The following ZSWIM6 variants were observed in gnomAD, a reference collection of about 807,000 sequenced individuals.
ZSWIM6 encodes the protein zinc finger SWIM-type containing 6, also known as zinc finger SWIM domain-containing protein 6.
Under a neutral mutation model 113.2 loss-of-function variants are expected in ZSWIM6, and 9 were observed. The ratio of observed to expected loss-of-function variants is 0.08; its 90% CI spans 0.05 to 0.14. ZSWIM6 has a LOEUF of 0.14. Ranked by LOEUF, ZSWIM6 falls within the 10% of genes least tolerant of loss-of-function variation. ZSWIM6 has a pLI of 1.00. For missense variants in ZSWIM6, 1,162 were observed against 1,552.2 expected, an observed-to-expected ratio of 0.75 and a Z score of 4.22; for synonymous variants, 611 against 606.5, an observed-to-expected ratio of 1.01 and a Z score of -0.11.
At chr5:61,345,527 C>A (rs893740195) in intron 1 of ZSWIM6, among the ~76,000 whole-genome samples, 1 of 152,126 alleles carries the variant, frequency 6.6e-6, no homozygotes, top group Non-Finnish European at 1.5e-5. Context: ...TTGGAAGGGA[C>A]TTTAGTAAGA....
In ZSWIM6 at chr5:61,416,048, G is replaced by C. The variant is rs111658306; in HGVS notation, c.677-56633G>C. On this transcript the variant is annotated intron_variant, in intron 1 of 13. Transcript: ENST00000252744. ...ATCTAACCTTCTTACATTTGTGTTG[G>C]GTGAGGAGTATGCAGAGTCTAGGAA... 1.8e-4 allele frequency among the ~76,000 whole-genome samples: 28 copies of C among 152,254 alleles called. 2 individuals carry two copies. The highest frequency in any genetic ancestry group is 6.7e-4 in the African/African-American group (28 of 41,544).
At position 61,332,906 on chromosome 5, in the gene ZSWIM6, G is replaced by A. The variant is rs1744294859; in HGVS notation, c.634G>A (p.Ala212Thr). 7.4e-7 allele frequency: 1 copy of A among 1,358,442 alleles called. No individual in the cohort carries two copies. The highest frequency in any genetic ancestry group is 9.6e-7 in the Non-Finnish European group (1 of 1,042,882). The allele number at this position is 1,358,442 out of a possible 1,614,324, so 84.1% of individuals were successfully genotyped here. A position where few individuals can be genotyped will look rare whatever the true frequency, so the allele number is the denominator to read the frequency against. Reference protein sequence around the residue: ...ETRLPFRRGIALLESGCVDNV... With the variant: ...ETRLPFRRGITLLESGCVDNV... ...GCGGCTGCCTTTCCGCCGGGGCATCGCGCTGTTGGAAAGCGGCTGCGTAGA... is the reference window on the plus strand; with the variant it reads ...GCGGCTGCCTTTCCGCCGGGGCATCACGCTGTTGGAAAGCGGCTGCGTAGA... Residue 212 changes from alanine (A) to threonine (T), a missense_variant, in exon 1 of 14, where the codon GCG (alanine) becomes ACG (threonine). Ala to Thr is a moderately conservative substitution (Grantham distance 58). Coordinates refer to ENST00000252744, the MANE Select transcript of ZSWIM6 (RefSeq NM_020928.2).
In ZSWIM6 at chr5:61,332,877, A is replaced by G. The variant is rs1402248371; in HGVS notation, c.605A>G (p.Glu202Gly). The G allele has an allele frequency of 2.9e-5, 37 of 1,286,768 alleles. No individual in the cohort carries two copies. Among genetic ancestry groups the G allele is most frequent in the Non-Finnish European group, 3.7e-5 (37 of 999,708 alleles). The allele number at this position is 1,286,768 out of a possible 1,614,324, so 79.7% of individuals were successfully genotyped here. A position where few individuals can be genotyped will look rare whatever the true frequency, so the allele number is the denominator to read the frequency against. Reference protein sequence around the residue: ...GAAGAADGGDETRLPFRRGIA... With the variant: ...GAAGAADGGDGTRLPFRRGIA... The stretch of plus-strand genomic sequence containing the variant: ...GCCGGGGCGGCGGACGGCGGCGACG[A>G]GACGCGGCTGCCTTTCCGCCGGGGC... The change falls in exon 1 of 14, where the codon GAG becomes GGG. Residue 202 changes from glutamate (E) to glycine (G), a missense_variant. Glu to Gly is a moderately conservative substitution (Grantham distance 98). Transcript: ENST00000252744.
In ZSWIM6 at chr5:61,402,664, G is replaced by A. The variant is rs1198319449; in HGVS notation, c.676+69716G>A. On this transcript the variant is annotated intron_variant, in intron 1 of 13. Transcript: ENST00000252744. ...ATTACAGTGCTTTAGGGCTAAATGT[G>A]GAAACTGGAACTCCAATATAAGGTT... is the stretch of plus-strand genomic sequence containing the variant. Among the ~76,000 whole-genome samples, 4 of 151,994 alleles carry A rather than the reference G, an allele frequency of 2.6e-5. No homozygotes were observed. The East Asian group carries it at 7.7e-4, about 29-fold the overall frequency.
At chr5:61,409,161 A>T (rs1294391531) in intron 1 of ZSWIM6, among the ~76,000 whole-genome samples, 1 of 148,512 alleles carries the variant, frequency 6.7e-6, no homozygotes. Flanking sequence ...ACAAAATTAA[A>T]TGTAACACAT....
At chr5:61,343,851 G>A (rs1318068108) in intron 1 of ZSWIM6, among the ~76,000 whole-genome samples, 1 of 147,632 alleles carries the variant, frequency 6.8e-6, no homozygotes, top group East Asian at 2.0e-4. Flanking sequence ...GTTTTTTAGT[G>A]TTCTGCAAGT....
At chr5:61,497,928 G>A (rs114935221) in intron 4 of ZSWIM6, among the ~76,000 whole-genome samples, 30 of 152,286 alleles carry the variant, frequency 2.0e-4, no homozygotes, top group African/African-American at 7.0e-4. Context: ...GAACAACCCA[G>A]TGCTGATTGG....
chr5:61,461,468 T>C (rs1161783399), intron 1 of ZSWIM6, among the ~76,000 whole-genome samples: 1 of 152,222 alleles, frequency 6.6e-6, no homozygotes, highest in Admixed American at 6.5e-5. Flanking sequence ...AGTCCCAGTC[T>C]CTCTGCCTTG....
chr5:61,508,835 A>G (rs1200974262), intron 4 of ZSWIM6, among the ~76,000 whole-genome samples: 5 of 152,224 alleles, frequency 3.3e-5, no homozygotes, highest in East Asian at 3.9e-4. Context: ...CGGCCTTGCT[A>G]TCAGAAAGTC....
intron 1 of ZSWIM6, among the ~76,000 whole-genome samples, chr5:61,466,278 T>G (rs752108169): frequency 2.4e-4 from 36 of 152,332 alleles, no homozygotes; most frequent in East Asian, 9.6e-4. Flanking sequence ...TACTATACAT[T>G]TAGCTAATGC....
intron 1 of ZSWIM6, among the ~76,000 whole-genome samples, chr5:61,426,507 C>CA (rs1221410999): frequency 1.3e-5 from 2 of 152,158 alleles, no homozygotes; most frequent in Non-Finnish European, 2.9e-5. Context: ...ATACAGACAG[C>CA]ACAGCTGTCA....
chr5:61,540,916 G>GTTTT (rs34749703), intron 12 of ZSWIM6, among the ~76,000 whole-genome samples: 129 of 94,384 alleles, frequency 1.4e-3, no homozygotes, highest in African/African-American at 4.2e-3. Flanking sequence ...TATTTTGTGG[G>GTTTT]TTTTTTTTTT....
In ZSWIM6 at chr5:61,391,642, G is replaced by A. The variant is rs974838292; in HGVS notation, c.676+58694G>A. The A allele has an allele frequency of 1.0e-5, 10 of 970,612 alleles. No individual in the cohort carries two copies. In the African/African-American group the frequency reaches 1.1e-4, roughly 11 times the overall value. The allele number at this position is 970,612 out of a possible 1,614,324, so 60.1% of individuals were successfully genotyped here. A position where few individuals can be genotyped will look rare whatever the true frequency, so the allele number is the denominator to read the frequency against. On this transcript the variant is annotated intron_variant, in intron 1 of 13. Coordinates refer to ENST00000252744, the MANE Select transcript of ZSWIM6 (RefSeq NM_020928.2). ...CACCATGGGTGGTATCTCCACAATG[G>A]TCACAGCCTCTATCACTTCCTTCTT...
intron 1 of ZSWIM6, among the ~76,000 whole-genome samples, chr5:61,383,770 CTCCTGACCTCAGGTGA>C (rs1383525214): frequency 1.3e-5 from 2 of 151,692 alleles, no homozygotes; most frequent in Non-Finnish European, 2.9e-5. Context: ...TGGTCTCGAA[CTCCTGACCTCAGGTGA>C]TCCACCTGCC....
Position 61,350,429 on chromosome 5 carries a change from G to A in ZSWIM6, c.676+17481G>A, listed in dbSNP as rs560981533. ...GACCTTTGGCTTATTTCTGGTCTCC[G>A]TCAGTGGGCTCTCCTCAATCTTTCA... On this transcript the variant is annotated intron_variant, in intron 1 of 13. Transcript: ENST00000252744. 6.6e-5 allele frequency among the ~76,000 whole-genome samples: 10 copies of A among 152,252 alleles called. No individual in the cohort carries two copies. The East Asian group carries it at 9.6e-4, about 15-fold the overall frequency.
At chr5:61,408,486 ACAG>A (rs1440731670) in intron 1 of ZSWIM6, among the ~76,000 whole-genome samples, 2 of 152,184 alleles carry the variant, frequency 1.3e-5, no homozygotes, top group East Asian at 1.9e-4. Context: ...TAAGGGGGAA[ACAG>A]CAGTTTAGGG....
intron 1 of ZSWIM6, among the ~76,000 whole-genome samples, chr5:61,450,219 C>A (rs1368586466): frequency 6.6e-6 from 1 of 152,234 alleles, no homozygotes; most frequent in South Asian, 2.1e-4. Flanking sequence ...ACTCATTTTT[C>A]CCCTCCAACA....
intron 1 of ZSWIM6, among the ~76,000 whole-genome samples, chr5:61,462,914 C>T (rs899750819): frequency 6.6e-6 from 1 of 152,196 alleles, no homozygotes; most frequent in African/African-American, 2.4e-5. Context: ...AGTCCTACCC[C>T]ACCTTGTGCC....
In ZSWIM6 at chr5:61,395,931, T is replaced by C. The variant is rs529810410; in HGVS notation, c.676+62983T>C. ...TCTACTTTTTTTTTTATGGGAGGTA[T>C]TGATTTAAGGCATTCTAAATCATTT... On this transcript the variant is annotated intron_variant, in intron 1 of 13. Coordinates refer to ENST00000252744, the MANE Select transcript of ZSWIM6 (RefSeq NM_020928.2). 3.3e-5 allele frequency among the ~76,000 whole-genome samples: 5 copies of C among 152,250 alleles called. No homozygotes were observed. In the East Asian group the frequency reaches 7.7e-4, roughly 24 times the overall value.
Sources: gnomAD v4.1 joint callset for allele counts (sites outside exome capture counted in the v4.1 genomes callset) on GRCh38, gnomAD v4.1.1 for gene constraint, MANE v1.5 for transcripts, NCBI Gene and HGNC (gene_info 2026-07-23, HGNC 2026-07-21) for gene names.